The following ALDH1L2 variants were observed in gnomAD, a reference collection of about 807,000 sequenced individuals.
ALDH1L2 encodes the protein aldehyde dehydrogenase 1 family member L2, also known as mitochondrial 10-formyltetrahydrofolate dehydrogenase.
In ALDH1L2, 91 loss-of-function variants were observed where a neutral mutation model predicts 111.0. That is an observed-to-expected ratio of 0.82 (90% CI 0.69 to 0.98). The LOEUF is 0.98. Among genes scored for constraint, ALDH1L2 ranks in the 50% least tolerant of loss-of-function variants. The pLI, the probability that ALDH1L2 is intolerant of heterozygous loss-of-function variation, is 0.00. For missense variants in ALDH1L2, 995 were observed against 1,126.8 expected (o/e 0.88, Z 1.67); for synonymous variants, 374 against 392.6 (o/e 0.95, Z 0.56).
At chr12:105,033,944 C>T (rs1356646347) in intron 19 of ALDH1L2, among the ~76,000 whole-genome samples, 2 of 151,994 alleles carry the variant, frequency 1.3e-5, no homozygotes, top group African/African-American at 4.8e-5. Context: ...TTTATATAAA[C>T]CTCTAACTTT....
At chr12:105,045,930 T>C (rs1263105367) in intron 15 of ALDH1L2, among the ~76,000 whole-genome samples, 6 of 151,936 alleles carry the variant, frequency 3.9e-5, no homozygotes, top group African/African-American at 1.5e-4. Context: ...AAGAAGTTTA[T>C]TTTTCTTCTA....
At chr12:105,040,869 C>G (rs1457171306) in intron 15 of ALDH1L2, among the ~76,000 whole-genome samples, 175 bp from the exon 16 acceptor site, 1 of 152,128 alleles carries the variant, frequency 6.6e-6, no homozygotes, top group Non-Finnish European at 1.5e-5. Flanking sequence ...TACAAGTATT[C>G]CTTATATACA....
rs1592763118 is a variant in ALDH1L2, at chr12:105,030,435, T to C, written c.2411-6A>G. 1 of 1,601,946 alleles carries C rather than the reference T, an allele frequency of 6.2e-7. No individual in the cohort carries two copies. The highest frequency in any genetic ancestry group is 1.7e-5 in the Admixed American group (1 of 58,312). ...GGTCGGCTCCATGAAAAAGCCTTTTTGGAAAAAACAAAGAAAAAATGTCAA... is the reference window on the plus strand; with the variant it reads ...GGTCGGCTCCATGAAAAAGCCTTTTCGGAAAAAACAAAGAAAAAATGTCAA... On this transcript the variant is annotated splice_polypyrimidine_tract_variant and splice_region_variant and intron_variant, in intron 20 of 22. Coordinates refer to ENST00000258494, the MANE Select transcript of ALDH1L2 (RefSeq NM_001034173.4).
intron 1 of ALDH1L2, among the ~76,000 whole-genome samples, chr12:105,082,616 T>C (rs1405365537): frequency 3.3e-5 from 5 of 152,212 alleles, no homozygotes; most frequent in Non-Finnish European, 7.4e-5. Flanking sequence ...CTGAGGACAA[T>C]TTATTTCCAG....
At chr12:105,045,466 T>G (rs889872634) in intron 15 of ALDH1L2, among the ~76,000 whole-genome samples, 4 of 146,084 alleles carry the variant, frequency 2.7e-5, no homozygotes, top group African/African-American at 1.0e-4. Context: ...CATATAATAA[T>G]ATATATCTCT....
At position 105,034,396 on chromosome 12, in the gene ALDH1L2, G is replaced by C; in HGVS notation, c.2148C>G (p.Gly716=). Residue 716 remains glycine (G), a splice_region_variant and synonymous_variant, in exon 19 of 23, where the codon GGC becomes GGG. Transcript: ENST00000258494. ...DCELDKAVRM[G]MGAVFFNKGE... is the part of the protein sequence containing the mutation. ...CTTTGTTGAAAAATACTGCTCCCAT[G>C]CCCTTCAGTGGGAGAAGAGAAAATA... 1 of 1,610,542 alleles carries C rather than the reference G, an allele frequency of 6.2e-7. No individual in the cohort carries two copies. Among genetic ancestry groups the C allele is most frequent in the Non-Finnish European group, 8.5e-7 (1 of 1,178,746 alleles).
intron 1 of ALDH1L2, among the ~76,000 whole-genome samples, chr12:105,080,800 T>C (rs768259816): frequency 6.6e-5 from 10 of 152,222 alleles, no homozygotes; most frequent in Admixed American, 1.3e-4. Context: ...TTTTAAAGCA[T>C]TTCAGATTTC....
chr12:105,066,912 C>T (rs1347753856), intron 4 of ALDH1L2, among the ~76,000 whole-genome samples: 1 of 152,166 alleles, frequency 6.6e-6, no homozygotes, highest in African/African-American at 2.4e-5. Flanking sequence ...TCCTGTTTTA[C>T]ACCTGAGGAA....
rs1179537328 is a variant in ALDH1L2, at chr12:105,070,737, G to A, written c.261C>T (p.Thr87=). 1 of 1,614,062 alleles carries A rather than the reference G, an allele frequency of 6.2e-7. No individual in the cohort carries two copies. The highest frequency in any genetic ancestry group is 8.5e-7 in the Non-Finnish European group (1 of 1,180,046). ...TGTAGGCTTCTGCCACTTCTTTGAT[G>A]GTCTTGCCCTTGACCCTCCATTTAG... ...KLPKWRVKGK[T]IKEVAEAYRS... Residue 87 remains threonine (T), a synonymous_variant, in exon 3 of 23, where the codon ACC becomes ACT. Coordinates refer to ENST00000258494, the MANE Select transcript of ALDH1L2 (RefSeq NM_001034173.4).
At position 105,045,667 on chromosome 12, in the gene ALDH1L2, GAA is replaced by G. The variant is rs1398415141; in HGVS notation, c.1863+1041_1863+1042del. Among the ~76,000 whole-genome samples, 3 of 152,126 alleles carry G rather than the reference GAA, an allele frequency of 2.0e-5. No individual in the cohort carries two copies. The East Asian group carries it at 5.8e-4, about 29-fold the overall frequency. ...TACCTCTTTGTATCTTTTGAATTTTGAAAACTTTGAACGTATACCTACTTTTT... is the reference window on the plus strand; with the variant it reads ...TACCTCTTTGTATCTTTTGAATTTTGAACTTTGAACGTATACCTACTTTTT... On this transcript the variant is annotated intron_variant, in intron 15 of 22. Transcript: ENST00000258494.
intron 2 of ALDH1L2, among the ~76,000 whole-genome samples, chr12:105,073,015 C>A (rs114080044): frequency 6.6e-6 from 1 of 152,174 alleles, no homozygotes; most frequent in African/African-American, 2.4e-5. Flanking sequence ...CTGAGACATC[C>A]AGGTGTTGAG....
intron 7 of ALDH1L2, among the ~76,000 whole-genome samples, chr12:105,062,355 A>G (rs980530077): frequency 6.6e-6 from 1 of 152,244 alleles, no homozygotes; most frequent in Non-Finnish European, 1.5e-5. Context: ...AGTCTTAACG[A>G]TTTATCCTGC....
rs182183225 is a variant in ALDH1L2, at chr12:105,037,370, C to T, written c.2145+733G>A. 2.1e-4 allele frequency among the ~76,000 whole-genome samples: 32 copies of T among 152,310 alleles called. No homozygotes were observed. The East Asian group carries it at 2.9e-3, about 14-fold the overall frequency. ...ATAAAACCATAGTACATTGTTAAAA[C>T]CAGGAAATTGATGTTGCTAATTACT... On this transcript the variant is annotated intron_variant, in intron 18 of 22. Coordinates refer to ENST00000258494, the MANE Select transcript of ALDH1L2 (RefSeq NM_001034173.4).
At chr12:105,083,181 G>A (rs1878408094) in intron 1 of ALDH1L2, among the ~76,000 whole-genome samples, 1 of 152,194 alleles carries the variant, frequency 6.6e-6, no homozygotes, top group Non-Finnish European at 1.5e-5. Flanking sequence ...TGTTGACAGA[G>A]GAGGCCAACA....
intron 13 of ALDH1L2, 184 bp downstream of exon 13, chr12:105,049,724 T>G: frequency 1.6e-6 from 1 of 634,522 alleles, no homozygotes; most frequent in Non-Finnish European, 2.4e-6. Context: ...AGAGAATAAA[T>G]TTCTGTTCTT....
chr12:105,039,247 GCA>G (rs1272312042), intron 17 of ALDH1L2, among the ~76,000 whole-genome samples: 1 of 151,424 alleles, frequency 6.6e-6, no homozygotes, highest in Non-Finnish European at 1.5e-5. Context: ...GAACATGACT[GCA>G]CAGTGTTCCA....
intron 9 of ALDH1L2, chr12:105,060,641 A>G (rs1456433446): frequency 2.7e-5 from 5 of 181,950 alleles, no homozygotes; most frequent in East Asian, 1.4e-4. Flanking sequence ...CCTAACCAAC[A>G]TGGAGAAACC....
At chr12:105,077,647 A>AATTGTCAAATAATGCATTCCCAGGGTG (rs1370060820) in intron 1 of ALDH1L2, among the ~76,000 whole-genome samples, 2 of 151,686 alleles carry the variant, frequency 1.3e-5, no homozygotes, top group African/African-American at 4.8e-5. Flanking sequence ...TTGCTTTCCA[A>AATTGTCAAATAATGCATTCCCAGGGTG]ATTGTCAAAT....
In ALDH1L2 at chr12:105,039,804, C is replaced by T; in HGVS notation, c.1954G>A (p.Gly652Ser). 1 of 1,613,816 alleles carries T rather than the reference C, an allele frequency of 6.2e-7. No individual in the cohort carries two copies. The highest frequency in any genetic ancestry group is 1.1e-5 in the South Asian group (1 of 91,070). The change falls in exon 17 of 23, where the codon GGC (glycine) becomes AGC (serine). Residue 652 changes from glycine (G) to serine (S), a missense_variant and splice_region_variant. Gly to Ser is a moderately conservative substitution (Grantham distance 56, BLOSUM62 0). Transcript: ENST00000258494. ...TCAGACAGACGTTGTCCTGCTATGC[C>T]ACCTGTAGAATTAGGGAATAAAACG... is the stretch of plus-strand genomic sequence containing the variant. ...GVINIIPGSG[G>S]IAGQRLSEHP...
Sources: gnomAD v4.1 joint callset for allele counts (sites outside exome capture counted in the v4.1 genomes callset) on GRCh38, gnomAD v4.1.1 for gene constraint, MANE v1.5 for transcripts, NCBI Gene and HGNC (gene_info 2026-07-23, HGNC 2026-07-21) for gene names.